SAMD12: variants seen among roughly 807,000 people sequenced by gnomAD.
SAMD12 encodes sterile alpha motif domain containing 12, also known as sterile alpha motif domain-containing protein 12.
A neutral mutation model predicts 15.0 loss-of-function variants in SAMD12; 9 were observed. The ratio of observed to expected loss-of-function variants is 0.60; its 90% CI spans 0.36 to 1.05. The LOEUF is 1.05. SAMD12 is among the 50% of genes least tolerant of loss of function. The pLI is 0.01. For synonymous variants in SAMD12, 86 were observed against 90.1 expected, an observed-to-expected ratio of 0.96 and a Z score of 0.25; for missense variants, 230 against 234.2, an observed-to-expected ratio of 0.98 and a Z score of 0.12.
Position 118,293,665 on chromosome 8 carries a change from G to T in SAMD12, c.433+85895C>A, listed in dbSNP as rs76561853. Among the ~76,000 whole-genome samples, 41 of 152,244 alleles carry T rather than the reference G, an allele frequency of 2.7e-4. No individual in the cohort carries two copies. In the East Asian group the frequency reaches 6.2e-3, roughly 23 times the overall value. On this transcript the variant is annotated intron_variant, in intron 4 of 4. Transcript: ENST00000409003. ...TGAAAATTGGAACCAGATGTATGTT[G>T]CTAGAAGCCAGCTGAAGATGCAAAA...
chr8:118,238,078 T>C lies in SAMD12; in HGVS notation c.434-40346A>G, dbSNP rs112573253. Reference sequence around the variant, plus strand: ...ATATTAAGTAGGAAAGCACAAGAGCTCTCTAAAGAGACACACATGGCTTTA... The same window carrying C: ...ATATTAAGTAGGAAAGCACAAGAGCCCTCTAAAGAGACACACATGGCTTTA... On this transcript the variant is annotated intron_variant, in intron 4 of 4. Coordinates refer to the SAMD12 transcript ENST00000409003. 7.4e-3 allele frequency among the ~76,000 whole-genome samples: 1,120 copies of C among 152,132 alleles called. 16 individuals carry two copies. The highest frequency in any genetic ancestry group is 0.025 in the African/African-American group (1,037 of 41,514).
At chr8:118,182,273 T>G in the SAMD12 span, among the ~76,000 whole-genome samples, 2 of 152,214 alleles carry the variant, frequency 1.3e-5, no homozygotes, top group Non-Finnish European at 2.9e-5. Flanking sequence ...TGAGCTTATA[T>G]TCTTAGGTAT....
At chr8:118,355,539 G>T (rs1301359665) in intron 4 of SAMD12, among the ~76,000 whole-genome samples, 1 of 152,092 alleles carries the variant, frequency 6.6e-6, no homozygotes, top group Non-Finnish European at 1.5e-5. Context: ...AAAAAATAAG[G>T]AACTACTAAT....
chr8:118,131,869 T>A, the SAMD12 span, among the ~76,000 whole-genome samples: 1 of 152,186 alleles, frequency 6.6e-6, no homozygotes, highest in African/African-American at 2.4e-5. Context: ...GCTATCCTGA[T>A]GATAAGAAAA....
chr8:118,185,372 T>C (rs1021972677), downstream of SAMD12, among the ~76,000 whole-genome samples: 3 of 152,004 alleles, frequency 2.0e-5, no homozygotes, highest in Non-Finnish European at 4.4e-5. Flanking sequence ...ATGTAGTCTT[T>C]TATCCTTCAC....
At chr8:118,529,085 C>A (rs1825614277) in intron 2 of SAMD12, among the ~76,000 whole-genome samples, 1 of 152,186 alleles carries the variant, frequency 6.6e-6, no homozygotes, top group Admixed American at 6.5e-5. Context: ...CCACAGACAA[C>A]CACTACACAG....
chr8:118,265,054 C>G (rs754230470), intron 4 of SAMD12, among the ~76,000 whole-genome samples: 30 of 152,120 alleles, frequency 2.0e-4, no homozygotes, highest in Non-Finnish European at 4.3e-4. Flanking sequence ...ATTCAGTTAT[C>G]TTAGCACTAT....
intron 4 of SAMD12, among the ~76,000 whole-genome samples, chr8:118,212,957 TG>T (rs1435479421): frequency 1.3e-5 from 2 of 152,202 alleles, no homozygotes; most frequent in African/African-American, 4.8e-5. Context: ...TCTTGTATCC[TG>T]TAGATACCTA....
chr8:118,444,257 T>C (rs1241934798), intron 2 of SAMD12, among the ~76,000 whole-genome samples: 1 of 152,244 alleles, frequency 6.6e-6, no homozygotes, highest in Non-Finnish European at 1.5e-5. Context: ...TCAATGTTCA[T>C]GTCTACCACA....
At chr8:118,316,369 C>CA (rs71307444) in intron 4 of SAMD12, among the ~76,000 whole-genome samples, 8,569 of 114,116 alleles carry the variant, frequency 0.075, 534 homozygotes, top group East Asian at 0.25. Flanking sequence ...CCCATGTCTA[C>CA]AAAAAAAAAA....
chr8:118,142,251 C>T, the SAMD12 span, among the ~76,000 whole-genome samples: 3 of 152,100 alleles, frequency 2.0e-5, no homozygotes, highest in Admixed American at 1.3e-4. Flanking sequence ...AGCCATAAAC[C>T]GAAATGACAT....
At chr8:118,516,960 A>G (rs1261288921) in intron 2 of SAMD12, among the ~76,000 whole-genome samples, 2 of 152,090 alleles carry the variant, frequency 1.3e-5, no homozygotes, top group Non-Finnish European at 2.9e-5. Flanking sequence ...ATTTCAGACA[A>G]ATCTATTGAT....
At chr8:118,147,443 CT>C in the SAMD12 span, among the ~76,000 whole-genome samples, 1 of 151,786 alleles carries the variant, frequency 6.6e-6, no homozygotes, top group Non-Finnish European at 1.5e-5. Flanking sequence ...TCACTGCAAC[CT>C]GCGCCTCCCC....
chr8:118,258,730 G>A (rs1031688543), intron 4 of SAMD12, among the ~76,000 whole-genome samples: 12 of 152,076 alleles, frequency 7.9e-5, no homozygotes, highest in African/African-American at 2.2e-4. Flanking sequence ...ATTATCAGAC[G>A]TTCCATCTGT....
intron 4 of SAMD12, among the ~76,000 whole-genome samples, chr8:118,239,411 G>C (rs1329028661): frequency 2.0e-5 from 3 of 152,136 alleles, no homozygotes; most frequent in African/African-American, 7.2e-5. Flanking sequence ...AAGTTGGAAT[G>C]ATGACAATAA....
intron 4 of SAMD12, among the ~76,000 whole-genome samples, chr8:118,259,105 C>T (rs1181441218): frequency 6.6e-6 from 1 of 152,018 alleles, no homozygotes; most frequent in Non-Finnish European, 1.5e-5. Context: ...AAACAAAAAC[C>T]GTGAAACACA....
chr8:118,301,247 A>G (rs1029173135), intron 4 of SAMD12, among the ~76,000 whole-genome samples: 1 of 152,240 alleles, frequency 6.6e-6, no homozygotes, highest in Non-Finnish European at 1.5e-5. Context: ...TGTAGTCAAC[A>G]TGGGGACCTA....
intron 2 of SAMD12, among the ~76,000 whole-genome samples, chr8:118,551,748 T>G (rs2131182916): frequency 6.6e-6 from 1 of 151,002 alleles, no homozygotes; most frequent in South Asian, 2.1e-4. Context: ...GCTGGTTTTT[T>G]GAAAGGATCA....
Position 118,592,277 on chromosome 8 carries a change from C to CA in SAMD12, c.14-11385dup, listed in dbSNP as rs924911124. Among the ~76,000 whole-genome samples, 9 of 149,922 alleles carry CA rather than the reference C, an allele frequency of 6.0e-5. 1 individual carries two copies. The highest frequency in any genetic ancestry group is 2.1e-4 in the South Asian group (1 of 4,708). On this transcript the variant is annotated intron_variant, in intron 1 of 3. Transcript: ENST00000314727. ...CAGAGGTTGTGGTGAGCCGAGATGC[C>CA]AAAAAAAAGAAAAGCAAATAGAGGA... is the stretch of plus-strand genomic sequence containing the variant.
Sources: allele counts gnomAD v4.1 joint callset (sites outside exome capture counted in the v4.1 genomes callset), GRCh38; gene constraint gnomAD v4.1.1; transcripts MANE v1.5; gene names NCBI Gene and HGNC (gene_info 2026-07-23, HGNC 2026-07-21).